The following ALMS1 variants were observed in gnomAD, a reference collection of about 807,000 sequenced individuals.
ALMS1 encodes centrosome-associated protein ALMS1.
A neutral mutation model predicts 352.2 loss-of-function variants in ALMS1; 271 were observed. The observed-to-expected ratio is 0.77, with a 90% CI of 0.70 to 0.85. The LOEUF (loss-of-function observed/expected upper bound fraction) is 0.85. ALMS1 is among the 40% of genes least tolerant of loss of function. ALMS1 has a pLI of 0.00. For missense variants in ALMS1, 5,445 were observed against 4,870.7 expected, an observed-to-expected ratio of 1.12 and a Z score of -3.51; for synonymous variants, 1,865 against 1,761.2, an observed-to-expected ratio of 1.06 and a Z score of -1.48.
chr2:73,458,624 G>C (rs1318864404), intron 9 of ALMS1: 1 of 152,230 alleles, frequency 6.6e-6, no homozygotes, highest in Non-Finnish European at 1.5e-5. Flanking sequence ...TTAAATATCT[G>C]AGTAAGGTGA....
At chr2:73,518,090 T>G (rs967384356) in intron 10 of ALMS1, among the ~76,000 whole-genome samples, 3 of 151,948 alleles carry the variant, frequency 2.0e-5, no homozygotes, top group Non-Finnish European at 2.9e-5. Context: ...CCCAGTAGTT[T>G]TTTTTTTTTT....
chr2:73,550,469 T>C (rs763734419), intron 13 of ALMS1, 32 bp downstream of exon 13: 1 of 1,611,886 alleles, frequency 6.2e-7, no homozygotes, highest in South Asian at 1.1e-5. Flanking sequence ...ACTTTGTAGC[T>C]TTTTCTCCCC....
intron 5 of ALMS1, 83 bp downstream of exon 5, chr2:73,424,985 C>G (rs1400332375): frequency 8.4e-7 from 1 of 1,193,274 alleles, no homozygotes; most frequent in Non-Finnish European, 1.2e-6. Flanking sequence ...ATTTTAGTGT[C>G]CCCTTTTCCT....
intron 19 of ALMS1, 23 bp from the exon 20 acceptor site, chr2:73,602,162 T>G: frequency 6.2e-7 from 1 of 1,607,366 alleles, no homozygotes; most frequent in Non-Finnish European, 8.5e-7. Context: ...GGCTGGGCAT[T>G]TTCTCTTTTT....
At chr2:73,555,286 G>T (rs1237268821) in intron 13 of ALMS1, among the ~76,000 whole-genome samples, 1 of 152,114 alleles carries the variant, frequency 6.6e-6, no homozygotes, top group Non-Finnish European at 1.5e-5. Flanking sequence ...AAATGAAACA[G>T]AATGGTGACC....
chr2:73,458,524 A>T (rs1185211375), intron 9 of ALMS1: 1 of 152,242 alleles, frequency 6.6e-6, no homozygotes, highest in Admixed American at 6.5e-5. Flanking sequence ...AATAACAACC[A>T]AACAAGTAAA....
chr2:73,592,880 T>C (rs1675461229), intron 16 of ALMS1, among the ~76,000 whole-genome samples: 1 of 152,238 alleles, frequency 6.6e-6, no homozygotes, highest in South Asian at 2.1e-4. Context: ...CTTTCCATTG[T>C]TACTCTTGTA....
chr2:73,559,086 C>T lies in ALMS1; in HGVS notation c.10328C>T (p.Thr3443Ile), dbSNP rs1011577603. The change falls in exon 15 of 23, where the codon ACA (threonine) becomes ATA (isoleucine). Residue 3443 changes from threonine (T) to isoleucine (I), a missense_variant. Transcript: ENST00000613296. ...TQKEEIHRKKTVPEEAWPNNK... is the reference protein window; with the variant it reads ...TQKEEIHRKKIVPEEAWPNNK... ...AAAGAGGAGATCCATAGGAAGAAGA[C>T]AGTTCCCGAGGAAGCCTGGCCAAAC... The T allele has an allele frequency of 6.2e-7, 1 of 1,613,942 alleles. No homozygotes were observed.
At chr2:73,491,541 A>AATAAGTCC in intron 10 of ALMS1, 43 bp downstream of exon 10, 1 of 1,599,350 alleles carries the variant, frequency 6.3e-7, no homozygotes, top group Non-Finnish European at 8.6e-7. Flanking sequence ...TGGACTTTGT[A>AATAAGTCC]ATAAAGGGTT....
At chr2:73,403,527 T>G (rs925859466) in intron 1 of ALMS1, among the ~76,000 whole-genome samples, 1 of 152,176 alleles carries the variant, frequency 6.6e-6, no homozygotes, top group Non-Finnish European at 1.5e-5. Flanking sequence ...CTTTTGTGGT[T>G]CTATATGAAT....
At chr2:73,601,543 G>A (rs889207444) in intron 19 of ALMS1, 107 bp downstream of exon 19, 18 of 1,512,488 alleles carry the variant, frequency 1.2e-5, no homozygotes, top group East Asian at 7.3e-5. Context: ...GGCCTGAGAC[G>A]CTCTTTTCCA....
chr2:73,581,605 G>C (rs13425287), intron 16 of ALMS1, among the ~76,000 whole-genome samples: 104 of 152,298 alleles, frequency 6.8e-4, no homozygotes, highest in African/African-American at 2.5e-3. Context: ...GGTTGGCTTT[G>C]ACAGTTTTCC....
intron 10 of ALMS1, among the ~76,000 whole-genome samples, chr2:73,503,042 G>T (rs1572978681): frequency 1.3e-5 from 2 of 152,024 alleles, no homozygotes; most frequent in Admixed American, 1.3e-4. Context: ...TCATACTAGT[G>T]CATTACAGAC....
At chr2:73,600,444 C>T (rs536684395) in intron 17 of ALMS1, among the ~76,000 whole-genome samples, 1 of 152,258 alleles carries the variant, frequency 6.6e-6, no homozygotes, top group Admixed American at 6.5e-5. Context: ...ATTCTTCTTT[C>T]CCTCTCATAC....
intron 2 of ALMS1, 50 bp downstream of exon 2, chr2:73,408,797 G>T: frequency 1.3e-6 from 2 of 1,517,902 alleles, no homozygotes; most frequent in Non-Finnish European, 1.8e-6. Flanking sequence ...AGCAGCACAA[G>T]AAATTCTGAT....
intron 12 of ALMS1, among the ~76,000 whole-genome samples, chr2:73,542,135 C>A (rs1411089670): frequency 6.6e-6 from 1 of 152,120 alleles, no homozygotes; most frequent in East Asian, 1.9e-4. Context: ...TACTGGAAAA[C>A]CGAATCCAGC....
intron 6 of ALMS1, among the ~76,000 whole-genome samples, chr2:73,429,111 C>T (rs114464802): frequency 0.011 from 1,713 of 152,138 alleles, 18 homozygotes; most frequent in Non-Finnish European, 0.017. Context: ...CCTTATACAT[C>T]GTACTATTAA....
At chr2:73,485,090 C>A (rs1672799747) in intron 9 of ALMS1, among the ~76,000 whole-genome samples, 1 of 152,226 alleles carries the variant, frequency 6.6e-6, no homozygotes, top group African/African-American at 2.4e-5. Flanking sequence ...AAGTCATTCT[C>A]CATCCAGCTT....
At chr2:73,414,490 T>TTTTG in intron 2 of ALMS1, among the ~76,000 whole-genome samples, 1 of 28,142 alleles carries the variant, frequency 3.6e-5, no homozygotes, top group African/African-American at 6.7e-5. Context: ...TTTTTTTTTG[T>TTTTG]TTTTTTTTTG....
Sources: gnomAD v4.1 joint callset for allele counts (sites outside exome capture counted in the v4.1 genomes callset) on GRCh38, gnomAD v4.1.1 for gene constraint, MANE v1.5 for transcripts, NCBI Gene and HGNC (gene_info 2026-07-23, HGNC 2026-07-21) for gene names.